FER: variants seen among roughly 807,000 people sequenced by gnomAD.
FER encodes the protein FER tyrosine kinase.
In FER, 63 loss-of-function variants were observed where a neutral mutation model predicts 111.0. That is an observed-to-expected ratio of 0.57 (90% confidence interval 0.46 to 0.70). The LOEUF (loss-of-function observed/expected upper bound fraction) is 0.70, where lower values mean the gene tolerates loss of function less well. Ranked by LOEUF, FER falls within the 30% of genes least tolerant of loss-of-function variation. FER has a pLI of 0.00. For synonymous variants in FER, 327 were observed against 313.9 expected (o/e 1.04, Z -0.44); for missense variants, 914 against 954.0 (o/e 0.96, Z 0.55).
At chr5:109,103,169 A>G (rs140623075) in intron 17 of FER, among the ~76,000 whole-genome samples, 1,690 of 152,280 alleles carry the variant, frequency 0.011, 14 homozygotes, top group Middle Eastern at 0.024. Flanking sequence ...AAAACATAAC[A>G]AAAATAAATG....
chr5:108,802,059 T>C (rs1756718309), intron 3 of FER, among the ~76,000 whole-genome samples: 2 of 152,188 alleles, frequency 1.3e-5, no homozygotes, highest in African/African-American at 4.8e-5. Context: ...ACGAATTGTT[T>C]ATTTCTGGAA....
At chr5:108,996,778 G>GT (rs1764037655) in intron 13 of FER, among the ~76,000 whole-genome samples, 2 of 152,120 alleles carry the variant, frequency 1.3e-5, no homozygotes, top group Non-Finnish European at 2.9e-5. Flanking sequence ...ATTTAAAGTA[G>GT]TTTTTTCCAA....
intron 11 of FER, 117 bp downstream of exon 11, chr5:108,946,339 T>G (rs1408619305): frequency 8.2e-6 from 5 of 610,980 alleles, no homozygotes; most frequent in Non-Finnish European, 1.3e-5. Context: ...TATACATATA[T>G]AAATTTGCAC....
At chr5:108,930,824 G>A (rs1277766588) in intron 10 of FER, among the ~76,000 whole-genome samples, 1 of 151,426 alleles carries the variant, frequency 6.6e-6, no homozygotes, top group Non-Finnish European at 1.5e-5. Flanking sequence ...ATGTTGCCCA[G>A]ACTGGGCTCG....
intron 2 of FER, among the ~76,000 whole-genome samples, chr5:108,771,344 T>C (rs376715359): frequency 1.1e-3 from 170 of 152,360 alleles, no homozygotes; most frequent in Non-Finnish European, 2.1e-3. Flanking sequence ...TAAACAGTTC[T>C]ATTTTTTCCA....
intron 17 of FER, among the ~76,000 whole-genome samples, chr5:109,177,896 G>T (rs1211908718): frequency 6.6e-6 from 1 of 152,226 alleles, no homozygotes; most frequent in East Asian, 1.9e-4. Flanking sequence ...CTGAATTCAT[G>T]TAGGATTTGC....
At chr5:109,094,608 C>G (rs1460702875) in intron 16 of FER, among the ~76,000 whole-genome samples, 1 of 151,982 alleles carries the variant, frequency 6.6e-6, no homozygotes, top group Admixed American at 6.6e-5. Context: ...GTTTTGTGGG[C>G]CATACAGACT....
In FER at chr5:109,047,056, G is replaced by A. The variant is rs545488625; in HGVS notation, c.1830-48G>A. 7.9e-6 allele frequency: 8 copies of A among 1,007,752 alleles called. No homozygotes were observed. In the South Asian group the frequency reaches 1.2e-4, roughly 15 times the overall value. The allele number at this position is 1,007,752 out of a possible 1,614,324, so 62.4% of individuals were successfully genotyped here. ...ACCCTATTTGTGATCACAAATTAATGCTTTATTATTCAAATGATAACTATT... is the reference window on the plus strand; with the variant it reads ...ACCCTATTTGTGATCACAAATTAATACTTTATTATTCAAATGATAACTATT... On this transcript the variant is annotated intron_variant, in intron 15 of 19. Coordinates refer to ENST00000281092, the MANE Select transcript of FER (RefSeq NM_005246.4).
intron 16 of FER, among the ~76,000 whole-genome samples, chr5:109,094,100 A>G (rs1265570265): frequency 1.3e-5 from 2 of 151,724 alleles, no homozygotes; most frequent in Admixed American, 6.6e-5. Flanking sequence ...CTCAATGTGC[A>G]TGTGTATTTG....
In FER at chr5:109,154,978, C is replaced by CT. The variant is rs200583621; in HGVS notation, c.2049-25768dup. Among the ~76,000 whole-genome samples, 88 of 151,992 alleles carry CT rather than the reference C, an allele frequency of 5.8e-4. No individual in the cohort carries two copies. The East Asian group carries it at 0.016, about 28-fold the overall frequency. ...AGCATCTCCATCTCAAGCAGGAACT[C>CT]TGAGAAACCAGTGTGGGTTAATCTT... On this transcript the variant is annotated intron_variant, in intron 17 of 19. Coordinates refer to ENST00000281092, the MANE Select transcript of FER (RefSeq NM_005246.4).
chr5:109,011,110 G>GT (rs573566151), intron 13 of FER, among the ~76,000 whole-genome samples: 1 of 151,806 alleles, frequency 6.6e-6, no homozygotes, highest in Admixed American at 6.6e-5. Flanking sequence ...TTTTAAGCAT[G>GT]TTTTTTAAAT....
Position 108,822,549 on chromosome 5 carries a change from A to G in FER, c.208-10221A>G, listed in dbSNP as rs1163815104. 2.6e-5 allele frequency among the ~76,000 whole-genome samples: 4 copies of G among 152,044 alleles called. 1 individual carries two copies. The East Asian group carries it at 7.7e-4, about 29-fold the overall frequency. ...TAGCAATCCACTTTTGTGGGAACTAATCCATTGCTACAAGAGCTAATCTAG... is the reference window on the plus strand; with the variant it reads ...TAGCAATCCACTTTTGTGGGAACTAGTCCATTGCTACAAGAGCTAATCTAG... On this transcript the variant is annotated intron_variant, in intron 3 of 19. Transcript: ENST00000281092.
intron 1 of FER, among the ~76,000 whole-genome samples, chr5:108,754,282 G>A (rs1226765297): frequency 6.6e-6 from 1 of 151,870 alleles, no homozygotes; most frequent in African/African-American, 2.4e-5. Context: ...ATGATGGCAT[G>A]TGCTTGTACT....
chr5:109,073,513 A>G (rs1775996336), intron 16 of FER, among the ~76,000 whole-genome samples: 1 of 152,150 alleles, frequency 6.6e-6, no homozygotes, highest in Non-Finnish European at 1.5e-5. Context: ...GCACCTTAGC[A>G]TGTCTTTGTT....
chr5:109,032,292 AGAAAC>A (rs1452466085), intron 13 of FER, among the ~76,000 whole-genome samples: 1 of 152,194 alleles, frequency 6.6e-6, no homozygotes, highest in Non-Finnish European at 1.5e-5. Flanking sequence ...AGGTTAGAAA[AGAAAC>A]TATGTTTCTT....
At chr5:109,076,369 C>CCT (rs1776341979) in intron 16 of FER, among the ~76,000 whole-genome samples, 1 of 152,074 alleles carries the variant, frequency 6.6e-6, no homozygotes, top group South Asian at 2.1e-4. Flanking sequence ...TGAATGACTT[C>CCT]CTTGCCCACT....
At chr5:108,845,067 T>TACATATATATATATATACAC (rs1761887476) in intron 5 of FER, among the ~76,000 whole-genome samples, 4 of 53,856 alleles carry the variant, frequency 7.4e-5, no homozygotes, top group Non-Finnish European at 1.4e-4. Flanking sequence ...TATATATATA[T>TACATATATATATATATACAC]ACACACACAC....
chr5:109,056,724 G>T (rs968553972), intron 16 of FER, among the ~76,000 whole-genome samples: 1 of 152,048 alleles, frequency 6.6e-6, no homozygotes, highest in South Asian at 2.1e-4. Flanking sequence ...AGCTGTTCTT[G>T]TCACACAAAA....
intron 10 of FER, among the ~76,000 whole-genome samples, chr5:108,908,049 A>G (rs896156928): frequency 1.3e-5 from 2 of 152,204 alleles, no homozygotes; most frequent in Non-Finnish European, 2.9e-5. Context: ...ATTATTATTT[A>G]TATACCAATT....
Sources: allele counts gnomAD v4.1 joint callset (sites outside exome capture counted in the v4.1 genomes callset), GRCh38; gene constraint gnomAD v4.1.1; transcripts MANE v1.5; gene names NCBI Gene and HGNC (gene_info 2026-07-23, HGNC 2026-07-21).